Variants in CAMK1D observed in about 807,000 individuals in gnomAD.
CAMK1D encodes the protein calcium/calmodulin-dependent protein kinase type 1D.
A neutral mutation model predicts 47.7 loss-of-function variants in CAMK1D; 9 were observed. The ratio of observed to expected loss-of-function variants is 0.19; its 90% CI spans 0.11 to 0.33. The LOEUF (loss-of-function observed/expected upper bound fraction) is 0.33. Among genes scored for constraint, CAMK1D ranks in the 10% least tolerant of loss-of-function variants. The pLI is 1.00. For missense variants in CAMK1D, 291 were observed against 488.7 expected (o/e 0.60, Z 3.81); for synonymous variants, 184 against 184.9 (o/e 0.99, Z 0.04).
At chr10:12,492,167 C>G (rs989016416) in intron 1 of CAMK1D, among the ~76,000 whole-genome samples, 3 of 151,976 alleles carry the variant, frequency 2.0e-5, no homozygotes, top group Non-Finnish European at 4.4e-5. Flanking sequence ...TGGGAAGTGC[C>G]TACTGTGGCT....
intron 2 of CAMK1D, among the ~76,000 whole-genome samples, chr10:12,589,573 A>C (rs759690924): frequency 2.0e-4 from 31 of 152,246 alleles, no homozygotes; most frequent in Non-Finnish European, 4.4e-4. Flanking sequence ...CAGGCTCCCC[A>C]GCCCGGAATG....
At chr10:12,780,584 C>A (rs1331287490) in intron 5 of CAMK1D, among the ~76,000 whole-genome samples, 6 of 152,152 alleles carry the variant, frequency 3.9e-5, no homozygotes, top group African/African-American at 1.4e-4. Context: ...TGAGTGATCT[C>A]GATTCTTTTC....
intron 2 of CAMK1D, among the ~76,000 whole-genome samples, chr10:12,657,995 C>T (rs773631936): frequency 2.2e-4 from 33 of 152,074 alleles, no homozygotes; most frequent in Non-Finnish European, 4.1e-4. Context: ...ACTAAAAATA[C>T]AAAAATTAGC....
chr10:12,396,379 G>A (rs560523904), intron 1 of CAMK1D, among the ~76,000 whole-genome samples: 38 of 152,236 alleles, frequency 2.5e-4, no homozygotes, highest in African/African-American at 8.4e-4. Context: ...CATTTTTCTC[G>A]TGACTGCTGT....
At chr10:12,728,619 TATC>T (rs1357496200) in intron 3 of CAMK1D, among the ~76,000 whole-genome samples, 2 of 152,236 alleles carry the variant, frequency 1.3e-5, no homozygotes, top group Non-Finnish European at 2.9e-5. Context: ...CTTCCACATT[TATC>T]ATAAGGGGAT....
chr10:12,606,807 A>T (rs951110582), intron 2 of CAMK1D, among the ~76,000 whole-genome samples: 2 of 152,288 alleles, frequency 1.3e-5, no homozygotes, highest in Middle Eastern at 3.4e-3. Context: ...TGTGTTCTCC[A>T]GCAAGGAAGT....
chr10:12,425,346 G>A (rs1840195162), intron 1 of CAMK1D, among the ~76,000 whole-genome samples: 1 of 149,154 alleles, frequency 6.7e-6, no homozygotes, highest in South Asian at 2.1e-4. Context: ...CAATGGTGCA[G>A]TCTCGGCTCA....
chr10:12,499,627 T>G (rs1218316207), intron 1 of CAMK1D, among the ~76,000 whole-genome samples: 1 of 152,192 alleles, frequency 6.6e-6, no homozygotes, highest in Non-Finnish European at 1.5e-5. Flanking sequence ...AAGGCTATTT[T>G]TCTGCTCTTC....
At chr10:12,505,257 C>T (rs1834835157) in intron 1 of CAMK1D, among the ~76,000 whole-genome samples, 1 of 152,196 alleles carries the variant, frequency 6.6e-6, no homozygotes, top group South Asian at 2.1e-4. Context: ...GAACAGATGG[C>T]TCCTGGGAGT....
chr10:12,497,260 C>T (rs556353374), intron 1 of CAMK1D, among the ~76,000 whole-genome samples: 12 of 152,074 alleles, frequency 7.9e-5, no homozygotes, highest in Admixed American at 5.2e-4. Flanking sequence ...CGGAGGATCA[C>T]GAGATCAAGA....
At chr10:12,745,187 C>T (rs986377748) in intron 3 of CAMK1D, among the ~76,000 whole-genome samples, 7 of 152,158 alleles carry the variant, frequency 4.6e-5, no homozygotes, top group Non-Finnish European at 7.3e-5. Context: ...CCCACCACCA[C>T]GCCCAGCCAA....
intron 3 of CAMK1D, among the ~76,000 whole-genome samples, chr10:12,676,105 A>G (rs1460355515): frequency 6.6e-6 from 1 of 152,094 alleles, no homozygotes; most frequent in East Asian, 1.9e-4. Context: ...GGCACCTGCC[A>G]CTACGCCTGG....
Position 12,777,071 on chromosome 10 carries a change from A to G in CAMK1D, c.565+7272A>G, listed in dbSNP as rs1837280636. Among the ~76,000 whole-genome samples the G allele has an allele frequency of 2.0e-5, 3 of 152,110 alleles. No individual in the cohort carries two copies. In the South Asian group the frequency reaches 6.2e-4, roughly 32 times the overall value. On this transcript the variant is annotated intron_variant, in intron 5 of 10. Coordinates refer to ENST00000619168, the MANE Select transcript of CAMK1D (RefSeq NM_153498.4). ...TCCTTGAGTAATGAGGATCAACTAG[A>G]TTTGGGAGATGTTAATTTATGGCTG...
intron 6 of CAMK1D, among the ~76,000 whole-genome samples, chr10:12,809,436 A>G (rs983468987): frequency 6.6e-6 from 1 of 152,268 alleles, no homozygotes; most frequent in Non-Finnish European, 1.5e-5. Context: ...AGAGAGATTA[A>G]CACTCCCATG....
intron 2 of CAMK1D, among the ~76,000 whole-genome samples, chr10:12,590,616 A>C (rs1038280019): frequency 6.6e-6 from 1 of 152,214 alleles, no homozygotes; most frequent in Non-Finnish European, 1.5e-5. Context: ...GAATGAATGC[A>C]CTTGAACAAA....
chr10:12,494,104 G>T (rs1174507648), intron 1 of CAMK1D, among the ~76,000 whole-genome samples: 2 of 152,122 alleles, frequency 1.3e-5, no homozygotes, highest in Non-Finnish European at 2.9e-5. Flanking sequence ...GCCTGCCGTG[G>T]TTCCCAAAGG....
At chr10:12,400,068 A>G (rs893208411) in intron 1 of CAMK1D, among the ~76,000 whole-genome samples, 3 of 152,194 alleles carry the variant, frequency 2.0e-5, no homozygotes, top group South Asian at 2.1e-4. Flanking sequence ...TTCTGAAAAC[A>G]TAACTACTGC....
chr10:12,362,587 T>G (rs1193686324), intron 1 of CAMK1D, among the ~76,000 whole-genome samples: 1 of 152,072 alleles, frequency 6.6e-6, no homozygotes, highest in Non-Finnish European at 1.5e-5. Context: ...AAGCTCCGCC[T>G]CCCGGGTTCC....
intron 2 of CAMK1D, among the ~76,000 whole-genome samples, chr10:12,610,056 G>A (rs1838575493): frequency 6.6e-6 from 1 of 152,206 alleles, no homozygotes; most frequent in South Asian, 2.1e-4. Context: ...TTGGGGCAGT[G>A]TTGGGAGGAA....
Sources: allele counts gnomAD v4.1 joint callset (sites outside exome capture counted in the v4.1 genomes callset), GRCh38; gene constraint gnomAD v4.1.1; transcripts MANE v1.5; gene names NCBI Gene and HGNC (gene_info 2026-07-23, HGNC 2026-07-21).